Variants in CRIM1 observed in about 807,000 individuals in gnomAD.
CRIM1 encodes cysteine-rich motor neuron 1 protein.
A neutral mutation model predicts 116.4 loss-of-function variants in CRIM1; 32 were observed. That is an observed-to-expected ratio of 0.27 (90% CI 0.21 to 0.37). The LOEUF is 0.37. Ranked by LOEUF, CRIM1 falls within the 10% of genes least tolerant of loss-of-function variation. The pLI is 1.00. For synonymous variants in CRIM1, 590 were observed against 509.2 expected, an observed-to-expected ratio of 1.16 and a Z score of -2.13; for missense variants, 1,331 against 1,354.8, an observed-to-expected ratio of 0.98 and a Z score of 0.28.
chr2:36,460,805 T>C (rs1202857965), intron 4 of CRIM1, among the ~76,000 whole-genome samples: 1 of 152,218 alleles, frequency 6.6e-6, no homozygotes. Flanking sequence ...AGTCCTCAAG[T>C]TACCACAAAA....
At chr2:36,455,478 A>C (rs1253164118) in intron 4 of CRIM1, among the ~76,000 whole-genome samples, 1 of 152,246 alleles carries the variant, frequency 6.6e-6, no homozygotes, top group Non-Finnish European at 1.5e-5. Context: ...ACTCAAGGTC[A>C]CATAGTTCCT....
At chr2:36,479,391 T>C (rs191984101) in intron 6 of CRIM1, 106 bp from the exon 7 acceptor site, 3 of 1,069,240 alleles carry the variant, frequency 2.8e-6, no homozygotes, top group East Asian at 2.5e-5. Flanking sequence ...ACAGTGGGAA[T>C]AGAACTGCTG....
At chr2:36,387,466 G>T (rs1671251052) in intron 1 of CRIM1, among the ~76,000 whole-genome samples, 1 of 152,154 alleles carries the variant, frequency 6.6e-6, no homozygotes, top group Non-Finnish European at 1.5e-5. Context: ...CATGGCATGT[G>T]TCTGAATAGA....
intron 1 of CRIM1, among the ~76,000 whole-genome samples, chr2:36,389,446 G>T (rs918748826): frequency 6.6e-6 from 1 of 152,206 alleles, no homozygotes; most frequent in African/African-American, 2.4e-5. Flanking sequence ...AGGGATATGT[G>T]AACAGCTGGA....
intron 4 of CRIM1, among the ~76,000 whole-genome samples, chr2:36,449,667 G>A (rs1036528719): frequency 6.6e-6 from 1 of 152,108 alleles, no homozygotes; most frequent in Non-Finnish European, 1.5e-5. Flanking sequence ...TAAATTCTTT[G>A]ACTTTCCAAA....
At chr2:36,359,453 A>T (rs1017756957) in intron 1 of CRIM1, among the ~76,000 whole-genome samples, 4 of 152,182 alleles carry the variant, frequency 2.6e-5, no homozygotes, top group Admixed American at 1.3e-4. Flanking sequence ...AGTTCACAAA[A>T]TGAGTTAGAT....
At chr2:36,485,866 T>C (rs1459895755) in intron 7 of CRIM1, among the ~76,000 whole-genome samples, 1 of 152,248 alleles carries the variant, frequency 6.6e-6, no homozygotes, top group Non-Finnish European at 1.5e-5. Flanking sequence ...CTGTTAGGCA[T>C]GTGTTTTATC....
intron 1 of CRIM1, among the ~76,000 whole-genome samples, chr2:36,373,006 T>TAA (rs77353524): frequency 1.3e-5 from 2 of 152,048 alleles, no homozygotes; most frequent in African/African-American, 2.4e-5. Flanking sequence ...TGGCTTCATA[T>TAA]AAAAAAAGCT....
At chr2:36,493,141 T>A (rs1208328911) in intron 7 of CRIM1, among the ~76,000 whole-genome samples, 2 of 152,116 alleles carry the variant, frequency 1.3e-5, no homozygotes, top group East Asian at 3.9e-4. Flanking sequence ...CTTTAAAAAG[T>A]ACTTTTTCTG....
intron 2 of CRIM1, among the ~76,000 whole-genome samples, chr2:36,431,477 C>A (rs1674886041): frequency 1.3e-5 from 2 of 152,148 alleles, no homozygotes; most frequent in Admixed American, 1.3e-4. Context: ...TCTTTGAAGT[C>A]TTTCTAAAAA....
At chr2:36,485,891 G>A (rs1158936173) in intron 7 of CRIM1, among the ~76,000 whole-genome samples, 3 of 152,126 alleles carry the variant, frequency 2.0e-5, no homozygotes, top group African/African-American at 7.2e-5. Flanking sequence ...AACTCTAAAC[G>A]TCCTGGAAAC....
intron 8 of CRIM1, among the ~76,000 whole-genome samples, chr2:36,499,567 A>G (rs1344109487): frequency 6.6e-6 from 1 of 152,178 alleles, no homozygotes; most frequent in Non-Finnish European, 1.5e-5. Context: ...CTTGATGGCC[A>G]GTTGCATCAG....
At chr2:36,387,504 G>A (rs1345861808) in intron 1 of CRIM1, among the ~76,000 whole-genome samples, 1 of 152,180 alleles carries the variant, frequency 6.6e-6, no homozygotes, top group Non-Finnish European at 1.5e-5. Context: ...CACAAACATG[G>A]AACAGGGGAG....
intron 13 of CRIM1, chr2:36,529,334 C>T: frequency 3.0e-6 from 1 of 338,780 alleles, no homozygotes; most frequent in Non-Finnish European, 6.1e-6. Flanking sequence ...CTGGAAGGTC[C>T]AATGGCTTCT....
chr2:36,477,938 C>G (rs1679113357), intron 6 of CRIM1, among the ~76,000 whole-genome samples: 1 of 152,200 alleles, frequency 6.6e-6, no homozygotes, highest in Non-Finnish European at 1.5e-5. Context: ...CAACACAACA[C>G]TGTTTCCCCA....
chr2:36,500,036 C>A (rs1026689855), intron 8 of CRIM1, among the ~76,000 whole-genome samples: 2 of 152,020 alleles, frequency 1.3e-5, no homozygotes, highest in Non-Finnish European at 2.9e-5. Context: ...AATCAAGATA[C>A]TCCAGAATGG....
intron 1 of CRIM1, among the ~76,000 whole-genome samples, chr2:36,364,414 G>A (rs1453998244): frequency 2.0e-5 from 3 of 152,192 alleles, no homozygotes; most frequent in Non-Finnish European, 4.4e-5. Context: ...TGATCTGATG[G>A]TAAACTGGAA....
intron 14 of CRIM1, 42 bp from the exon 15 acceptor site, chr2:36,544,334 G>C (rs1572973277): frequency 7.6e-7 from 1 of 1,312,284 alleles, no homozygotes. Flanking sequence ...CAACAATACA[G>C]CAGCTTCATC....
At chr2:36,548,427 C>CTGT in intron 16 of CRIM1, 98 bp from the exon 17 acceptor site, 2 of 827,212 alleles carry the variant, frequency 2.4e-6, no homozygotes, top group East Asian at 2.7e-5. Context: ...AATTGTGAAA[C>CTGT]TGTTATCTCA....
Sources: gnomAD v4.1 joint callset for allele counts (sites outside exome capture counted in the v4.1 genomes callset) on GRCh38, gnomAD v4.1.1 for gene constraint, MANE v1.5 for transcripts, NCBI Gene and HGNC (gene_info 2026-07-23, HGNC 2026-07-21) for gene names.